The following UPF3A variants were observed in gnomAD, a reference collection of about 807,000 sequenced individuals.
UPF3A encodes the protein regulator of nonsense transcripts 3A.
In UPF3A, 42 loss-of-function variants were observed where a neutral mutation model predicts 53.5. The observed-to-expected ratio is 0.78, with a 90% CI of 0.61 to 1.01. UPF3A has a LOEUF of 1.01. Among genes scored for constraint, UPF3A ranks in the 50% least tolerant of loss-of-function variants. The pLI is 0.00. For synonymous variants in UPF3A, 237 were observed against 225.3 expected, an observed-to-expected ratio of 1.05 and a Z score of -0.47; for missense variants, 575 against 598.0, an observed-to-expected ratio of 0.96 and a Z score of 0.40.
rs755787826 is a variant in UPF3A, at chr13:114,298,970, T to C, written c.977T>C (p.Met326Thr). ...APGAVVKARPMEGSLEEPQET... is the reference protein window; with the variant it reads ...APGAVVKARPTEGSLEEPQET... ...GGTGCAGTCGTAAAAGCCAGGCCCATGGAAGGCTCGCTGGAGGAGCCCCAG... is the reference window on the plus strand; with the variant it reads ...GGTGCAGTCGTAAAAGCCAGGCCCACGGAAGGCTCGCTGGAGGAGCCCCAG... The change falls in exon 8 of 10, where the codon ATG (methionine) becomes ACG (threonine). Residue 326 changes from methionine (M) to threonine (T), a missense_variant. Around this residue, in one of 2 missense-constraint regions of UPF3A, gnomAD observed 323 missense variants for 415.2 expected, o/e 0.78. Coordinates refer to ENST00000375299, the MANE Select transcript of UPF3A (RefSeq NM_023011.4). The C allele has an allele frequency of 7.5e-6, 12 of 1,606,528 alleles. No homozygotes were observed. The highest frequency in any genetic ancestry group is 1.0e-5 in the Non-Finnish European group (12 of 1,177,544).
At chr13:114,291,613 C>CA in intron 6 of UPF3A, 21 bp from the exon 7 acceptor site, 2 of 1,605,712 alleles carry the variant, frequency 1.2e-6, no homozygotes, top group South Asian at 2.3e-5. Flanking sequence ...AGTTTATACA[C>CA]ACGCTCTTCC....
Position 114,298,980 on chromosome 13 carries a change from G to C in UPF3A, c.987G>C (p.Ser329=), listed in dbSNP as rs1284120921. The C allele has an allele frequency of 1.3e-5, 21 of 1,601,666 alleles. No homozygotes were observed. The highest frequency in any genetic ancestry group is 1.8e-5 in the Non-Finnish European group (21 of 1,176,240). ...TAAAAGCCAGGCCCATGGAAGGCTC[G>C]CTGGAGGAGCCCCAGGAGACGTGAG... ...AVVKARPMEG[S]LEEPQETSHS... Residue 329 remains serine, a synonymous_variant, in exon 8 of 10, where the codon TCG becomes TCC. Transcript: ENST00000375299.
intron 5 of UPF3A, chr13:114,287,318 G>C (rs1286649726): frequency 6.6e-6 from 1 of 152,324 alleles, no homozygotes; most frequent in African/African-American, 2.4e-5. Flanking sequence ...CCCAGGCTGT[G>C]CCCTGCCCAC....
In UPF3A at chr13:114,281,808, G is replaced by T. The variant is rs1457537173; in HGVS notation, c.169G>T (p.Gly57Cys). ...TSSSGCGGGA[G>C]KPREEKRTAL... ...GTCCTCCGGTTGCGGGGGCGGTGCG[G>T]GCAAACCTCGCGAGGAGAAGAGGAC... The change falls in exon 1 of 10, where the codon GGC (glycine) becomes TGC (cysteine). Residue 57 changes from glycine to cysteine, a missense_variant. Gly to Cys is a radical substitution (Grantham distance 159). Coordinates refer to ENST00000375299, the MANE Select transcript of UPF3A (RefSeq NM_023011.4). The T allele has an allele frequency of 1.3e-6, 2 of 1,552,382 alleles. No homozygotes were observed. Among genetic ancestry groups the T allele is most frequent in the African/African-American group, 2.7e-5 (2 of 72,844 alleles).
chr13:114,288,005 A>G (rs934246490), intron 5 of UPF3A, among the ~76,000 whole-genome samples: 1 of 152,092 alleles, frequency 6.6e-6, no homozygotes, highest in South Asian at 2.1e-4. Flanking sequence ...GGGTTTCACC[A>G]TGTTGGCCAG....
In UPF3A at chr13:114,286,921, G is replaced by A. The variant is rs552101011; in HGVS notation, c.631+292G>A. On this transcript the variant is annotated intron_variant, in intron 5 of 9. Coordinates refer to ENST00000375299, the MANE Select transcript of UPF3A (RefSeq NM_023011.4). ...ACACATGAATGGTCTGTTCCTGAGC[G>A]TCAGGGAAGGCATGTTGTGTCACAT... The A allele has an allele frequency of 1.3e-4, 37 of 286,352 alleles. No individual in the cohort carries two copies. In the East Asian group the frequency reaches 1.8e-3, roughly 14 times the overall value. 17.7% of individuals were successfully genotyped at this position (286,352 alleles called of 1,614,324 possible).
Position 114,304,835 on chromosome 13 carries a change from C to A in UPF3A, c.1349C>A (p.Ala450Glu). 3.1e-6 allele frequency: 5 copies of A among 1,613,832 alleles called. No homozygotes were observed. The highest frequency in any genetic ancestry group is 4.2e-6 in the Non-Finnish European group (5 of 1,179,806). The change falls in exon 10 of 10, where the codon GCG becomes GAG. Residue 450 changes from alanine (A) to glutamate (E), a missense_variant. This residue lies in a region of UPF3A where 323 missense variants were observed against 415.2 expected (regional missense o/e 0.78). Transcript: ENST00000375299. ...TATGATCCAGGAGCTCGCTTCCGAG[C>A]GCGAGAGTGTGGCGGAAACAGGAGG... ...QLYDPGARFR[A>E]RECGGNRRIC... is the part of the protein sequence containing the mutation.
rs1198663830 is a variant in UPF3A, at chr13:114,282,890, A to C, written c.368A>C (p.Asp123Ala). 6.2e-7 allele frequency: 1 copy of C among 1,612,560 alleles called. No individual in the cohort carries two copies. Among genetic ancestry groups the C allele is most frequent in the South Asian group, 1.1e-5 (1 of 90,680 alleles). ...TACATTAATTTTAGGAATCCTGATGACATCCTTCTTTTTAGAGATCGTTTT... is the reference window on the plus strand; with the variant it reads ...TACATTAATTTTAGGAATCCTGATGCCATCCTTCTTTTTAGAGATCGTTTT... The part of the protein sequence containing the change: ...RAYINFRNPD[D>A]ILLFRDRFDG... The change falls in exon 3 of 10, where the codon GAC (aspartate) becomes GCC (alanine). Residue 123 changes from aspartate (D) to alanine (A), a missense_variant. This residue lies in a region of UPF3A where 252 missense variants were observed against 182.7 expected (regional missense o/e 1.38). Transcript: ENST00000375299.
Position 114,286,326 on chromosome 13 carries a change from A to C in UPF3A, c.446A>C (p.Glu149Ala), listed in dbSNP as rs1337937054. Residue 149 changes from glutamate to alanine, a missense_variant, in exon 4 of 10, where the codon GAG becomes GCG. Glu to Ala is a moderately radical substitution (Grantham distance 107). Around this residue, in one of 2 missense-constraint regions of UPF3A, gnomAD observed 323 missense variants for 415.2 expected, o/e 0.78. Coordinates refer to ENST00000375299, the MANE Select transcript of UPF3A (RefSeq NM_023011.4). ...SKGLEYPAVV[E>A]FAPFQKIAKK... Reference sequence around the variant, plus strand: ...GGCCTAGAATATCCTGCAGTGGTAGAGTTTGCTCCATTCCAGAAGATAGCC... The same window carrying C: ...GGCCTAGAATATCCTGCAGTGGTAGCGTTTGCTCCATTCCAGAAGATAGCC... 3.7e-6 allele frequency: 6 copies of C among 1,614,058 alleles called. No individual in the cohort carries two copies. Among genetic ancestry groups the C allele is most frequent in the African/African-American group, 1.3e-5 (1 of 74,932 alleles).
At chr13:114,289,237 G>A (rs1022620796) in intron 5 of UPF3A, among the ~76,000 whole-genome samples, 1 of 152,066 alleles carries the variant, frequency 6.6e-6, no homozygotes, top group Non-Finnish European at 1.5e-5. Context: ...ATGAAAAATT[G>A]AAACTTGGCC....
rs369318678 is a variant in UPF3A, at chr13:114,281,763, G to A, written c.124G>A (p.Ala42Thr). Residue 42 changes from alanine to threonine, a missense_variant, in exon 1 of 10, where the codon GCT becomes ACT. Physicochemically the swap from Ala to Thr is moderately conservative, Grantham distance 58. Transcript: ENST00000375299. Reference sequence around the variant, plus strand: ...CCACCGCGACTCGCAGCAGCAGGAGGCTGAGACGCCGCCAACTTCGTCCTC... The same window carrying A: ...CCACCGCGACTCGCAGCAGCAGGAGACTGAGACGCCGCCAACTTCGTCCTC... ...QFHRDSQQQEAETPPTSSSGC... is the reference protein window; with the variant it reads ...QFHRDSQQQETETPPTSSSGC... 1.3e-6 allele frequency: 2 copies of A among 1,557,464 alleles called. No individual in the cohort carries two copies. The highest frequency in any genetic ancestry group is 1.7e-6 in the Non-Finnish European group (2 of 1,151,524).
At position 114,291,767 on chromosome 13, in the gene UPF3A, T is replaced by C. The variant is rs1400265517; in HGVS notation, c.821T>C (p.Ile274Thr). Residue 274 changes from isoleucine to threonine, a missense_variant, in exon 7 of 10, where the codon ATT becomes ACT. Transcript: ENST00000375299. ...AAAGAGACAGATAAACAGAAGAAAA[T>C]TGCAGAGAAAGAAGTAAGGATTAAG... ...KKKETDKQKK[I>T]AEKEVRIKLL... The C allele has an allele frequency of 1.3e-6, 2 of 1,591,906 alleles. No individual in the cohort carries two copies. The highest frequency in any genetic ancestry group is 3.4e-4 in the Middle Eastern group (2 of 5,940).
Position 114,291,914 on chromosome 13 carries a change from T to A in UPF3A, c.846+122T>A, listed in dbSNP as rs1443406667. The A allele has an allele frequency of 2.3e-6, 3 of 1,286,728 alleles. No homozygotes were observed. The Admixed American group carries it at 7.7e-5, about 33-fold the overall frequency. The allele number at this position is 1,286,728 out of a possible 1,614,324, so 79.7% of individuals were successfully genotyped here. A position where few individuals can be genotyped will look rare whatever the true frequency, so the allele number is the denominator to read the frequency against. On this transcript the variant is annotated intron_variant, in intron 7 of 9. Coordinates refer to ENST00000375299, the MANE Select transcript of UPF3A (RefSeq NM_023011.4). The stretch of plus-strand genomic sequence containing the variant: ...CTGAATTAATCTAATATTGTGTTGT[T>A]ATTTTTTTCCATCTTTTCCATCTTT...
At chr13:114,296,259 TG>T (rs1206208616) in intron 7 of UPF3A, among the ~76,000 whole-genome samples, 1 of 152,166 alleles carries the variant, frequency 6.6e-6, no homozygotes, top group African/African-American at 2.4e-5. Flanking sequence ...GGCGCATGCC[TG>T]TAGTCCCAGT....
chr13:114,284,534 TAA>T (rs535271853), intron 3 of UPF3A, among the ~76,000 whole-genome samples: 4 of 126,536 alleles, frequency 3.2e-5, no homozygotes, highest in Non-Finnish European at 3.4e-5. Context: ...CTGTCTCTAC[TAA>T]AAAAAAAAAA....
intron 7 of UPF3A, among the ~76,000 whole-genome samples, chr13:114,295,442 G>GCTCTGGCCTGC (rs1340172230): frequency 6.4e-5 from 3 of 46,794 alleles, no homozygotes; most frequent in African/African-American, 1.9e-4. Context: ...TGGCCTGCTG[G>GCTCTGGCCTGC]TTTCTCATGA....
intron 9 of UPF3A, among the ~76,000 whole-genome samples, chr13:114,303,989 A>T (rs2086822060): frequency 6.6e-6 from 1 of 152,160 alleles, no homozygotes; most frequent in Non-Finnish European, 1.5e-5. Flanking sequence ...TGAATCCTGG[A>T]GAAGGAGCGC....
chr13:114,296,940 A>G (rs760531162), intron 7 of UPF3A, among the ~76,000 whole-genome samples: 5 of 152,164 alleles, frequency 3.3e-5, no homozygotes, highest in Non-Finnish European at 5.9e-5. Context: ...TACTGTTGCA[A>G]TTTTTATAAA....
chr13:114,288,484 T>C (rs2084950099), intron 5 of UPF3A, among the ~76,000 whole-genome samples: 1 of 152,158 alleles, frequency 6.6e-6, no homozygotes, highest in East Asian at 1.9e-4. Flanking sequence ...CGCTTTTCAC[T>C]GCAGGCGCAG....
Sources: gnomAD v4.1 joint callset for allele counts (sites outside exome capture counted in the v4.1 genomes callset) on GRCh38, gnomAD v4.1.1 for gene constraint, gnomAD v4.1.1 regional missense constraint, MANE v1.5 for transcripts, NCBI Gene and HGNC (gene_info 2026-07-23, HGNC 2026-07-21) for gene names.